Variants in NECTIN2 observed in about 807,000 individuals in gnomAD.
NECTIN2 encodes the protein nectin-2.
Under a neutral mutation model 56.9 loss-of-function variants are expected in NECTIN2, and 23 were observed. The observed-to-expected ratio is 0.40, with a 90% CI of 0.29 to 0.57. The LOEUF (loss-of-function observed/expected upper bound fraction) is 0.57. Among genes scored for constraint, NECTIN2 ranks in the 20% least tolerant of loss-of-function variants. The probability of loss-of-function intolerance (pLI) is 0.38; values close to 1 mark genes in which losing one functional copy is unlikely to be tolerated. For synonymous variants in NECTIN2, 302 were observed against 313.8 expected (o/e 0.96, Z 0.40); for missense variants, 587 against 718.3 (o/e 0.82, Z 2.09).
At chr19:44,882,430 G>T in intron 6 of NECTIN2, 66 bp downstream of exon 6, 2 of 1,278,426 alleles carry the variant, frequency 1.6e-6, no homozygotes, top group East Asian at 3.1e-5. Context: ...TGGGGTAGGG[G>T]TGAGGGTGGG....
intron 6 of NECTIN2, among the ~76,000 whole-genome samples, chr19:44,883,060 C>T (rs950819471): frequency 1.3e-5 from 2 of 151,976 alleles, no homozygotes; most frequent in African/African-American, 2.4e-5. Context: ...GGATTACAGG[C>T]GTGAGCCACC....
chr19:44,885,654 T>A (rs1337343355), intron 6 of NECTIN2, among the ~76,000 whole-genome samples: 1 of 152,076 alleles, frequency 6.6e-6, no homozygotes. Flanking sequence ...CAGTGGGGCA[T>A]GGTAATTATA....
intron 1 of NECTIN2, 71 bp downstream of exon 1, chr19:44,846,684 C>G (rs1968838886): frequency 4.1e-6 from 6 of 1,472,732 alleles, no homozygotes; most frequent in Non-Finnish European, 4.5e-6. Flanking sequence ...CTGGGGAAGC[C>G]GAGCACCTTC....
intron 1 of NECTIN2, among the ~76,000 whole-genome samples, chr19:44,852,303 C>T (rs1968908874): frequency 1.3e-5 from 2 of 152,038 alleles, no homozygotes; most frequent in African/African-American, 4.8e-5. Flanking sequence ...GCAGGTGCCA[C>T]CATGCCCAGC....
intron 1 of NECTIN2, among the ~76,000 whole-genome samples, chr19:44,854,463 C>G (rs545074232): frequency 1.3e-5 from 2 of 152,146 alleles, no homozygotes. Flanking sequence ...AGGGGAGCCT[C>G]CCTTAGAAGG....
chr19:44,888,094 C>T lies in NECTIN2; in HGVS notation c.1348-16C>T, dbSNP rs1430309217. 1.2e-6 allele frequency: 2 copies of T among 1,605,550 alleles called. No homozygotes were observed. The highest frequency in any genetic ancestry group is 2.2e-5 in the South Asian group (2 of 90,804). ...TAGGAAGTGATCTTGAGTTCCTGTC[C>T]TCTCTCTACCTCCAGGAAATGCCTC... On this transcript the variant is annotated splice_polypyrimidine_tract_variant and intron_variant, in intron 8 of 8. Coordinates refer to ENST00000252483, the MANE Select transcript of NECTIN2 (RefSeq NM_001042724.2).
At chr19:44,867,709 G>A (rs1969117797) in intron 2 of NECTIN2, among the ~76,000 whole-genome samples, 1 of 152,192 alleles carries the variant, frequency 6.6e-6, no homozygotes, top group African/African-American at 2.4e-5. Flanking sequence ...AAGGGGGCTG[G>A]TGAGGATAGG....
intron 6 of NECTIN2, among the ~76,000 whole-genome samples, chr19:44,883,971 T>C (rs1477550391): frequency 1.3e-5 from 2 of 151,418 alleles, no homozygotes; most frequent in African/African-American, 4.9e-5. Context: ...ATACAAAAAT[T>C]ACCCAGACCT....
In NECTIN2 at chr19:44,846,522, C is replaced by T. The variant is rs1443873700; in HGVS notation, c.-4C>T. The T allele has an allele frequency of 6.6e-7, 1 of 1,513,294 alleles. No individual in the cohort carries two copies. The allele number at this position is 1,513,294 out of a possible 1,614,324, so 93.7% of individuals were successfully genotyped here. A position where few individuals can be genotyped will look rare whatever the true frequency, so the allele number is the denominator to read the frequency against. On this transcript the variant is annotated 5_prime_UTR_variant, in exon 1 of 9. Transcript: ENST00000252483. ...GCCGGGCCCAGTCCCCTCCCGGGCC[C>T]TCCATGGCCCGGGCCGCTGCCCTCC...
In NECTIN2 at chr19:44,878,273, G is replaced by A. The variant is rs201037066; in HGVS notation, c.1042+3795G>A. ...TGTGGGCCCGCTGGTGTGGGGGGCC[G>A]TGGGGGGGACACTGCTGGTGCTGCT... On this transcript the variant is annotated intron_variant, in intron 5 of 8. Coordinates refer to ENST00000252483, the MANE Select transcript of NECTIN2 (RefSeq NM_001042724.2). 3.7e-3 allele frequency: 4,199 copies of A among 1,143,934 alleles called. 26 individuals carry two copies. The highest frequency in any genetic ancestry group is 0.012 in the South Asian group (824 of 70,674). The allele number at this position is 1,143,934 out of a possible 1,614,324, so 70.9% of individuals were successfully genotyped here.
At chr19:44,879,119 A>T (rs1262137325) in intron 5 of NECTIN2, among the ~76,000 whole-genome samples, 2 of 152,028 alleles carry the variant, frequency 1.3e-5, no homozygotes, top group Admixed American at 6.6e-5. Flanking sequence ...TCCTTGAAAG[A>T]CGCATTGGAT....
In NECTIN2 at chr19:44,872,227, C is replaced by T. The variant is rs909081470; in HGVS notation, c.775+78C>T. On this transcript the variant is annotated intron_variant, in intron 3 of 8. Coordinates refer to ENST00000252483, the MANE Select transcript of NECTIN2 (RefSeq NM_001042724.2). ...CTCTAAAGCACTGTCTACATTGTCT[C>T]TGAATGTTGTCTACGTGGGTTCCCT... 4.0e-6 allele frequency: 6 copies of T among 1,505,054 alleles called. No homozygotes were observed. The Admixed American group carries it at 1.1e-4, about 28-fold the overall frequency. 93.2% of individuals were successfully genotyped at this position (1,505,054 alleles called of 1,614,324 possible). A position where few individuals can be genotyped will look rare whatever the true frequency, so the allele number is the denominator to read the frequency against.
At chr19:44,859,290 G>A (rs902326731) in intron 1 of NECTIN2, among the ~76,000 whole-genome samples, 6 of 152,146 alleles carry the variant, frequency 3.9e-5, no homozygotes, top group African/African-American at 1.4e-4. Flanking sequence ...CTCATTTCCT[G>A]GGGCCCTATG....
intron 2 of NECTIN2, among the ~76,000 whole-genome samples, chr19:44,870,630 A>T (rs939869354): frequency 6.6e-6 from 1 of 151,970 alleles, no homozygotes; most frequent in African/African-American, 2.4e-5. Flanking sequence ...CAATCATCTA[A>T]TGGTGATTAC....
In NECTIN2 at chr19:44,873,909, C is replaced by G. The variant is rs1368634020; in HGVS notation, c.776-7C>G. Reference sequence around the variant, plus strand: ...CCTTGCTGATCCAGTCCCCCCATTTCCCCCAGACCCTCCTGAAGTGTCCAT... The same window carrying G: ...CCTTGCTGATCCAGTCCCCCCATTTGCCCCAGACCCTCCTGAAGTGTCCAT... On this transcript the variant is annotated splice_region_variant and splice_polypyrimidine_tract_variant and intron_variant, in intron 3 of 8. Coordinates refer to ENST00000252483, the MANE Select transcript of NECTIN2 (RefSeq NM_001042724.2). The G allele has an allele frequency of 1.2e-6, 2 of 1,602,088 alleles. No individual in the cohort carries two copies. The highest frequency in any genetic ancestry group is 1.7e-6 in the Non-Finnish European group (2 of 1,169,644).
chr19:44,881,149 C>T (rs1191482745), intron 5 of NECTIN2, among the ~76,000 whole-genome samples: 1 of 151,946 alleles, frequency 6.6e-6, no homozygotes, highest in Non-Finnish European at 1.5e-5. Context: ...CTTGAACAAT[C>T]CGCCCGCCTC....
At chr19:44,860,677 C>T in intron 1 of NECTIN2, among the ~76,000 whole-genome samples, 1 of 151,410 alleles carries the variant, frequency 6.6e-6, no homozygotes, top group Non-Finnish European at 1.5e-5. Context: ...CACTTTATCA[C>T]CCAAGCTGGA....
chr19:44,866,107 G>A (rs1969098819), intron 2 of NECTIN2, among the ~76,000 whole-genome samples: 1 of 152,040 alleles, frequency 6.6e-6, no homozygotes, highest in Non-Finnish European at 1.5e-5. Flanking sequence ...AGGAGGCAGA[G>A]GTTGCAGTGA....
Position 44,888,526 on chromosome 19 carries a change from A to G in NECTIN2, c.*147A>G, listed in dbSNP as rs748102908. On this transcript the variant is annotated 3_prime_UTR_variant, in exon 9 of 9. Transcript: ENST00000252483. ...TGATGTCTACCTTGGTGGCTCCACT[A>G]TGACCCCTAACCCATGAGCCCAGAG... is the stretch of plus-strand genomic sequence containing the variant. 16 of 851,674 alleles carry G rather than the reference A, an allele frequency of 1.9e-5. No homozygotes were observed. The highest frequency in any genetic ancestry group is 2.5e-5 in the Non-Finnish European group (14 of 552,850). 52.8% of individuals were successfully genotyped at this position (851,674 alleles called of 1,614,324 possible). A position where few individuals can be genotyped will look rare whatever the true frequency, so the allele number is the denominator to read the frequency against.
Sources: allele counts gnomAD v4.1 joint callset (sites outside exome capture counted in the v4.1 genomes callset), GRCh38; gene constraint gnomAD v4.1.1; transcripts MANE v1.5; gene names NCBI Gene and HGNC (gene_info 2026-07-23, HGNC 2026-07-21).